The following PIK3R3 variants were observed in gnomAD, a reference collection of about 807,000 sequenced individuals.
PIK3R3 encodes the protein phosphatidylinositol 3-kinase regulatory subunit gamma.
PIK3R3 carries 64 observed loss-of-function variants against 62.9 expected under a neutral mutation model. The observed-to-expected ratio is 1.02, with a 90% CI of 0.83 to 1.25. The LOEUF (loss-of-function observed/expected upper bound fraction) is 1.25, where lower values mean the gene tolerates loss of function less well. Among genes scored for constraint, PIK3R3 ranks in the 50% most tolerant of loss-of-function variants. PIK3R3 has a pLI of 0.00. For missense variants in PIK3R3, 614 were observed against 561.6 expected (o/e 1.09, Z -0.94); for synonymous variants, 165 against 189.0 (o/e 0.87, Z 1.04).
rs529124526 is a variant in PIK3R3, at chr1:46,122,659, C to T, written c.106+9188G>A. Among the ~76,000 whole-genome samples the T allele has an allele frequency of 1.5e-4, 23 of 152,246 alleles. 1 individual carries two copies. The highest frequency in any genetic ancestry group is 9.2e-4 in the Admixed American group (14 of 15,290). On this transcript the variant is annotated intron_variant, in intron 1 of 9. Transcript: ENST00000262741. The stretch of plus-strand genomic sequence containing the variant: ...CTGGGATTACAGGTGTGAGCCACCG[C>T]GCCCGGCCTATTCATTTCTAATTGT...
the PIK3R3 span, among the ~76,000 whole-genome samples, chr1:46,154,809 G>A: frequency 6.6e-6 from 1 of 151,922 alleles, no homozygotes; most frequent in African/African-American, 2.4e-5. Flanking sequence ...TACCTAGAAT[G>A]TTCTTTCCCC....
chr1:46,103,658 G>A (rs1268339164), intron 1 of PIK3R3, among the ~76,000 whole-genome samples: 4 of 151,640 alleles, frequency 2.6e-5, no homozygotes, highest in East Asian at 2.0e-4. Flanking sequence ...GCAATAGCAC[G>A]ATCTCGGCTC....
intron 1 of PIK3R3, among the ~76,000 whole-genome samples, chr1:46,087,679 C>T (rs1161694217): frequency 1.5e-5 from 2 of 134,636 alleles, no homozygotes; most frequent in Non-Finnish European, 3.0e-5. Context: ...AAATGATCTT[C>T]CTGCCTTGGC....
chr1:46,147,511 G>A, the PIK3R3 span, among the ~76,000 whole-genome samples: 11 of 152,096 alleles, frequency 7.2e-5, no homozygotes, highest in African/African-American at 1.4e-4. Flanking sequence ...TCTGCCTCCC[G>A]AGTGCACGCC....
At chr1:46,141,138 G>A in the PIK3R3 span, among the ~76,000 whole-genome samples, 2 of 152,038 alleles carry the variant, frequency 1.3e-5, no homozygotes, top group Non-Finnish European at 2.9e-5. Context: ...GGGATTACAG[G>A]CGTGAGCCAC....
At chr1:46,074,286 C>CAAAAAAAAAAAA (rs1179172400) in intron 3 of PIK3R3, among the ~76,000 whole-genome samples, 2 of 20,826 alleles carry the variant, frequency 9.6e-5, no homozygotes, top group African/African-American at 2.1e-4. Flanking sequence ...TAGACTCCGT[C>CAAAAAAAAAAAA]AAAAAAAAAA....
Position 46,043,767 on chromosome 1 carries a change from T to C in PIK3R3, c.1292A>G (p.His431Arg). Residue 431 changes from histidine (H) to arginine (R), a missense_variant, in exon 10 of 10, where the codon CAT (histidine) becomes CGT (arginine). Coordinates refer to ENST00000262741, the MANE Select transcript of PIK3R3 (RefSeq NM_003629.4). Reference sequence around the variant, plus strand: ...CTGAACCAAGGATGTCTGCTGGTAATGGAGCACTAGCTCCTTCAGAGAGCT... The same window carrying C: ...CTGAACCAAGGATGTCTGCTGGTAACGGAGCACTAGCTCCTTCAGAGAGCT... ...LYSSLKELVL[H>R]YQQTSLVQHN... is the part of the protein sequence containing the mutation. 5 of 1,614,182 alleles carry C rather than the reference T, an allele frequency of 3.1e-6. No homozygotes were observed. The highest frequency in any genetic ancestry group is 4.2e-6 in the Non-Finnish European group (5 of 1,180,006).
At chr1:46,144,543 G>A in the PIK3R3 span, among the ~76,000 whole-genome samples, 1 of 152,328 alleles carries the variant, frequency 6.6e-6, no homozygotes, top group East Asian at 1.9e-4. Flanking sequence ...GCCGAGGCGG[G>A]CGAATCGCAA....
rs1553148027 is a variant in PIK3R3, at chr1:46,071,712, A to AATATAT, written c.315-4627_315-4622dup. On this transcript the variant is annotated intron_variant, in intron 3 of 9. Coordinates refer to ENST00000262741, the MANE Select transcript of PIK3R3 (RefSeq NM_003629.4). ...CTCTGTCTCCAAAAAAAAAAAAAAA[A>AATATAT]ATATATATATATATATATAGAGAGA... is the stretch of plus-strand genomic sequence containing the variant. Among the ~76,000 whole-genome samples, 102 of 24,640 alleles carry AATATAT rather than the reference A, an allele frequency of 4.1e-3. 4 individuals carry two copies. Among genetic ancestry groups the AATATAT allele is most frequent in the African/African-American group, 0.014 (90 of 6,460 alleles). 16.2% of individuals were successfully genotyped at this position (24,640 alleles called of 152,430 possible).
In PIK3R3 at chr1:46,122,077, AAAAAT is replaced by A. The variant is rs370230345; in HGVS notation, c.106+9765_106+9769del. Among the ~76,000 whole-genome samples, 201 of 152,126 alleles carry A rather than the reference AAAAAT, an allele frequency of 1.3e-3. 2 individuals are homozygous for A. In the East Asian group the frequency reaches 0.024, roughly 18 times the overall value. On this transcript the variant is annotated intron_variant, in intron 1 of 9. Transcript: ENST00000262741. Reference sequence around the variant, plus strand: ...GGGCAACAGAGCGAGACTCCATCTCAAAAATAAAATAAAATAAAATAAAATAAATA... The same window carrying A: ...GGGCAACAGAGCGAGACTCCATCTCAAAAATAAAATAAAATAAAATAAATA...
At chr1:46,053,851 T>C (rs937751404) in intron 7 of PIK3R3, among the ~76,000 whole-genome samples, 2 of 152,176 alleles carry the variant, frequency 1.3e-5, no homozygotes, top group Admixed American at 6.5e-5. Context: ...ATTGTTTTGG[T>C]GTATAGCATA....
chr1:46,097,339 T>C lies in PIK3R3; in HGVS notation c.107-16589A>G, dbSNP rs369093966. ...CGAGAGGACACCTTGAGGCCAAGAG[T>C]TCAAGACCAGCCTGGTCAACATTGT... On this transcript the variant is annotated intron_variant, in intron 1 of 9. Coordinates refer to ENST00000262741, the MANE Select transcript of PIK3R3 (RefSeq NM_003629.4). Among the ~76,000 whole-genome samples the C allele has an allele frequency of 9.3e-5, 14 of 151,258 alleles. No homozygotes were observed. In the East Asian group the frequency reaches 2.7e-3, roughly 29 times the overall value.
chr1:46,073,976 C>G lies in PIK3R3; in HGVS notation c.314+3539G>C, dbSNP rs146982990. Among the ~76,000 whole-genome samples, 605 of 150,196 alleles carry G rather than the reference C, an allele frequency of 4.0e-3. 1 individual carries two copies. Among genetic ancestry groups the G allele is most frequent in the Non-Finnish European group, 5.6e-3 (377 of 67,534 alleles). On this transcript the variant is annotated intron_variant, in intron 3 of 9. Coordinates refer to ENST00000262741, the MANE Select transcript of PIK3R3 (RefSeq NM_003629.4). ...ACTCCCTGAGCCACAATATTAAATG[C>G]AGAATGTGTTTGGTGGGCCAAAAAC...
At chr1:46,091,483 T>TAC (rs111759714) in intron 1 of PIK3R3, among the ~76,000 whole-genome samples, 99,833 of 149,640 alleles carry the variant, frequency 0.67, 33,305 homozygotes, top group Non-Finnish European at 0.7. Flanking sequence ...CACACACACA[T>TAC]ACACACACAC....
the PIK3R3 span, among the ~76,000 whole-genome samples, chr1:46,142,799 A>G: frequency 3.9e-5 from 6 of 152,318 alleles, no homozygotes; most frequent in African/African-American, 1.4e-4. Context: ...CAGGGTAGGC[A>G]TGAAGAGGCT....
At chr1:46,137,824 ACT>A (rs1655984613), upstream of PIK3R3, among the ~76,000 whole-genome samples, 2 of 152,196 alleles carry the variant, frequency 1.3e-5, no homozygotes, top group South Asian at 4.2e-4. Flanking sequence ...GTGCAAGTAA[ACT>A]CTCCAGGAAG....
intron 1 of PIK3R3, among the ~76,000 whole-genome samples, chr1:46,095,711 AG>A (rs1315415772): frequency 1.3e-5 from 2 of 152,210 alleles, no homozygotes; most frequent in African/African-American, 4.8e-5. Flanking sequence ...TAAAAGTTAA[AG>A]GTTGACACAT....
intron 4 of PIK3R3, among the ~76,000 whole-genome samples, chr1:46,066,407 A>T (rs1328326631): frequency 1.3e-5 from 2 of 152,234 alleles, no homozygotes; most frequent in Non-Finnish European, 2.9e-5. Flanking sequence ...TTAATACTTT[A>T]AAAATTAAGA....
At chr1:46,121,638 A>G (rs918608605) in intron 1 of PIK3R3, among the ~76,000 whole-genome samples, 12 of 152,048 alleles carry the variant, frequency 7.9e-5, no homozygotes, top group African/African-American at 2.9e-4. Flanking sequence ...CTATTTAAAA[A>G]ATAATAAATA....
Sources: allele counts gnomAD v4.1 joint callset (sites outside exome capture counted in the v4.1 genomes callset), GRCh38; gene constraint gnomAD v4.1.1; transcripts MANE v1.5; gene names NCBI Gene and HGNC (gene_info 2026-07-23, HGNC 2026-07-21).